CREB5: variants seen among roughly 807,000 people sequenced by gnomAD.
CREB5 encodes cyclic AMP-responsive element-binding protein 5.
A neutral mutation model predicts 57.1 loss-of-function variants in CREB5; 19 were observed. The observed-to-expected ratio is 0.33, with a 90% CI of 0.23 to 0.49. CREB5 has a LOEUF of 0.49. Ranked by LOEUF, CREB5 falls within the 20% of genes least tolerant of loss-of-function variation. The pLI is 0.99. For synonymous variants in CREB5, 238 were observed against 238.3 expected (o/e 1.00, Z 0.01); for missense variants, 579 against 671.6 (o/e 0.86, Z 1.52).
In CREB5 at chr7:28,491,279, T is replaced by C. The variant is rs147831527; in HGVS notation, c.75+3033T>C. Reference sequence around the variant, plus strand: ...GACAGAAGGGGTGAGCATGCTGGTTTACACGGCTAATCCCCAGAAGATAAA... The same window carrying C: ...GACAGAAGGGGTGAGCATGCTGGTTCACACGGCTAATCCCCAGAAGATAAA... On this transcript the variant is annotated intron_variant, in intron 2 of 10. Coordinates refer to ENST00000357727, the MANE Select transcript of CREB5 (RefSeq NM_182898.4). The C allele has an allele frequency of 9.2e-4, 908 of 984,732 alleles. 8 individuals are homozygous for C. In the African/African-American group the frequency reaches 0.015, roughly 16 times the overall value. 61.0% of individuals were successfully genotyped at this position (984,732 alleles called of 1,614,324 possible).
rs1041396604 is a variant in CREB5, at chr7:28,484,716, G to A, written c.4-3459G>A. Among the ~76,000 whole-genome samples the A allele has an allele frequency of 2.0e-5, 3 of 152,126 alleles. No homozygotes were observed. The East Asian group carries it at 5.8e-4, about 29-fold the overall frequency. On this transcript the variant is annotated intron_variant, in intron 1 of 10. Transcript: ENST00000357727. ...AAAATAAAATAGTAACATAACAATT[G>A]TAACCCAGTAGAACCTATCAATGAC... is the stretch of plus-strand genomic sequence containing the variant.
intron 5 of CREB5, among the ~76,000 whole-genome samples, chr7:28,602,820 A>C (rs769813856): frequency 5.3e-5 from 8 of 152,212 alleles, no homozygotes; most frequent in Non-Finnish European, 1.0e-4. Context: ...ACCTGTGATA[A>C]AATTTCACAG....
chr7:28,619,278 G>C (rs1797706083), intron 5 of CREB5, among the ~76,000 whole-genome samples: 1 of 152,188 alleles, frequency 6.6e-6, no homozygotes, highest in African/African-American at 2.4e-5. Flanking sequence ...GGTTACACTA[G>C]ATGGCCTATA....
chr7:28,496,496 G>A (rs930390706), intron 3 of CREB5, among the ~76,000 whole-genome samples: 1 of 152,286 alleles, frequency 6.6e-6, no homozygotes, highest in Non-Finnish European at 1.5e-5. Flanking sequence ...GTTATTGACA[G>A]GGGAGGAAGG....
At chr7:28,561,322 A>T (rs1795263353) in intron 4 of CREB5, among the ~76,000 whole-genome samples, 1 of 152,138 alleles carries the variant, frequency 6.6e-6, no homozygotes, top group Non-Finnish European at 1.5e-5. Context: ...TAGTATATAT[A>T]CCAGTGTGTT....
chr7:28,400,602 G>A (rs78857563), intron 1 of CREB5, among the ~76,000 whole-genome samples: 2,321 of 152,254 alleles, frequency 0.015, 64 homozygotes, highest in African/African-American at 0.053. Flanking sequence ...AGGTAGGGAA[G>A]CTTTATATTT....
chr7:28,717,697 C>G (rs1026483414), intron 5 of CREB5, among the ~76,000 whole-genome samples: 3 of 152,176 alleles, frequency 2.0e-5, no homozygotes, highest in Non-Finnish European at 4.4e-5. Context: ...TAAGAGAATG[C>G]ATTAATTCTG....
intron 1 of CREB5, among the ~76,000 whole-genome samples, chr7:28,329,562 C>G (rs895907404): frequency 6.6e-6 from 1 of 152,216 alleles, no homozygotes; most frequent in African/African-American, 2.4e-5. Context: ...CTTGTTTAAA[C>G]TTTTCAACTT....
At chr7:28,510,249 C>T (rs537169606) in intron 4 of CREB5, among the ~76,000 whole-genome samples, 150 of 152,322 alleles carry the variant, frequency 9.8e-4, no homozygotes, top group Non-Finnish European at 1.7e-3. Context: ...AACACAGGTT[C>T]TTATTCAGTG....
chr7:28,377,510 G>A (rs1175840961), intron 1 of CREB5, among the ~76,000 whole-genome samples: 3 of 151,628 alleles, frequency 2.0e-5, no homozygotes, highest in Non-Finnish European at 4.4e-5. Context: ...TAGAATATAA[G>A]TCTTTACCCT....
intron 3 of CREB5, among the ~76,000 whole-genome samples, chr7:28,501,026 G>A (rs150239660): frequency 3.9e-5 from 6 of 152,146 alleles, no homozygotes; most frequent in East Asian, 3.9e-4. Context: ...CAGTCATTGC[G>A]CCCTGTGCTT....
chr7:28,671,695 G>C (rs1800046741), intron 5 of CREB5, among the ~76,000 whole-genome samples: 1 of 152,184 alleles, frequency 6.6e-6, no homozygotes, highest in Non-Finnish European at 1.5e-5. Context: ...AGGTGTGGTG[G>C]ATTAGAGTAT....
chr7:28,383,036 A>G (rs1277771103), intron 1 of CREB5, among the ~76,000 whole-genome samples: 1 of 152,202 alleles, frequency 6.6e-6, no homozygotes, highest in Admixed American at 6.5e-5. Flanking sequence ...TGAAGCACCT[A>G]GAAGCCACTG....
intron 5 of CREB5, among the ~76,000 whole-genome samples, chr7:28,622,368 C>T (rs1367413228): frequency 6.6e-6 from 1 of 151,676 alleles, no homozygotes; most frequent in Non-Finnish European, 1.5e-5. Flanking sequence ...GAAAGAAAAC[C>T]CTTACCCACC....
chr7:28,448,901 G>T (rs981937507), intron 1 of CREB5, among the ~76,000 whole-genome samples: 1 of 152,324 alleles, frequency 6.6e-6, no homozygotes, highest in African/African-American at 2.4e-5. Context: ...GCAGCACCAC[G>T]GCTGGGATGC....
intron 5 of CREB5, among the ~76,000 whole-genome samples, chr7:28,629,137 T>C (rs966439528): frequency 2.6e-5 from 4 of 152,206 alleles, no homozygotes; most frequent in African/African-American, 9.7e-5. Flanking sequence ...CAGGTTGTTG[T>C]AGAAATTAAA....
chr7:28,318,719 T>G (rs1391433727), intron 1 of CREB5, among the ~76,000 whole-genome samples: 1 of 152,124 alleles, frequency 6.6e-6, no homozygotes. Context: ...GTCCTGCATC[T>G]AGTTCTACAG....
intron 1 of CREB5, among the ~76,000 whole-genome samples, chr7:28,389,391 A>AAC (rs370119883): frequency 1.3e-5 from 2 of 151,994 alleles, no homozygotes; most frequent in Non-Finnish European, 2.9e-5. Context: ...TACGTGCACA[A>AAC]ACACACACAC....
At chr7:28,682,095 G>A (rs570134976) in intron 5 of CREB5, among the ~76,000 whole-genome samples, 1 of 152,284 alleles carries the variant, frequency 6.6e-6, no homozygotes, top group South Asian at 2.1e-4. Flanking sequence ...TTTGACACAG[G>A]AAAGGCCAGT....
Sources: allele counts gnomAD v4.1 joint callset (sites outside exome capture counted in the v4.1 genomes callset), GRCh38; gene constraint gnomAD v4.1.1; transcripts MANE v1.5; gene names NCBI Gene and HGNC (gene_info 2026-07-23, HGNC 2026-07-21).